The following SNX13 variants were observed in gnomAD, a reference collection of about 807,000 sequenced individuals.
The protein encoded by SNX13 is sorting nexin 13.
A neutral mutation model predicts 133.6 loss-of-function variants in SNX13; 45 were observed. That is an observed-to-expected ratio of 0.34 (90% CI 0.27 to 0.43). SNX13 has a LOEUF of 0.43. Ranked by LOEUF, SNX13 falls within the 20% of genes least tolerant of loss-of-function variation. SNX13 has a pLI of 1.00. For synonymous variants in SNX13, 414 were observed against 373.9 expected (o/e 1.11, Z -1.24); for missense variants, 1,032 against 1,145.1 (o/e 0.90, Z 1.43).
intron 2 of SNX13, among the ~76,000 whole-genome samples, chr7:17,894,334 A>T (rs774165146): frequency 1.3e-5 from 2 of 152,080 alleles, no homozygotes; most frequent in Non-Finnish European, 2.9e-5. Flanking sequence ...CTTATTAAAC[A>T]AGTAGGCTAG....
At position 17,813,597 on chromosome 7, in the gene SNX13, T is replaced by C. The variant is rs543746828; in HGVS notation, c.2064+1237A>G. Among the ~76,000 whole-genome samples the C allele has an allele frequency of 3.9e-5, 6 of 151,986 alleles. No individual in the cohort carries two copies. In the East Asian group the frequency reaches 1.2e-3, roughly 29 times the overall value. On this transcript the variant is annotated intron_variant, in intron 20 of 25. Coordinates refer to ENST00000428135, the MANE Select transcript of SNX13 (RefSeq NM_015132.5). ...TAATCATATGAACTCCTTTTTTTTT[T>C]TTTTTTTGAGACAGGGTCTTGCTCT...
intron 20 of SNX13, among the ~76,000 whole-genome samples, chr7:17,808,471 A>C (rs1485571124): frequency 2.6e-5 from 4 of 152,206 alleles, no homozygotes; most frequent in African/African-American, 9.6e-5. Flanking sequence ...GACCAAACCT[A>C]AGTTTGATTG....
chr7:17,887,308 C>T (rs1016141168), intron 5 of SNX13, among the ~76,000 whole-genome samples: 1 of 152,044 alleles, frequency 6.6e-6, no homozygotes, highest in African/African-American at 2.4e-5. Context: ...CTGACACAGG[C>T]CAAGGCTGTC....
intron 9 of SNX13, among the ~76,000 whole-genome samples, chr7:17,859,857 T>C (rs1257002041): frequency 2.0e-5 from 3 of 152,186 alleles, no homozygotes; most frequent in African/African-American, 7.2e-5. Context: ...GGCTGAATAA[T>C]ATTTTACTGT....
At chr7:17,845,439 T>C (rs1472617368) in intron 12 of SNX13, among the ~76,000 whole-genome samples, 156 bp downstream of exon 12, 1 of 152,266 alleles carries the variant, frequency 6.6e-6, no homozygotes, top group South Asian at 2.1e-4. Context: ...ATAAAAACAG[T>C]TCTGGAGACT....
intron 9 of SNX13, among the ~76,000 whole-genome samples, chr7:17,853,883 G>A (rs1791547230): frequency 6.6e-6 from 1 of 152,102 alleles, no homozygotes; most frequent in African/African-American, 2.4e-5. Flanking sequence ...GGAGGTTACA[G>A]TGAGCCAAAA....
intron 9 of SNX13, among the ~76,000 whole-genome samples, chr7:17,856,427 T>C (rs1246821766): frequency 5.9e-5 from 9 of 151,930 alleles, no homozygotes; most frequent in Admixed American, 4.6e-4. Context: ...AACTAGAAAA[T>C]AGTTACCTCC....
At chr7:17,808,276 G>GA (rs1326827701) in intron 20 of SNX13, among the ~76,000 whole-genome samples, 1 of 152,156 alleles carries the variant, frequency 6.6e-6, no homozygotes, top group African/African-American at 2.4e-5. Context: ...TGATGGAGCT[G>GA]AAAAACACAG....
chr7:17,926,790 G>A (rs1800800215), intron 1 of SNX13, among the ~76,000 whole-genome samples: 1 of 152,168 alleles, frequency 6.6e-6, no homozygotes, highest in African/African-American at 2.4e-5. Flanking sequence ...GGGGGCTGAG[G>A]CAGGAGGATC....
intron 1 of SNX13, among the ~76,000 whole-genome samples, chr7:17,929,505 CTCAAG>C (rs951356406): frequency 3.3e-5 from 5 of 152,062 alleles, no homozygotes; most frequent in African/African-American, 9.7e-5. Flanking sequence ...ATTAACACCA[CTCAAG>C]TCAACTACAT....
chr7:17,802,863 G>A (rs1326447370), intron 21 of SNX13, among the ~76,000 whole-genome samples: 1 of 151,612 alleles, frequency 6.6e-6, no homozygotes, highest in Admixed American at 6.6e-5. Context: ...ACACAGTCTA[G>A]TACCTTTATG....
chr7:17,878,806 CT>C (rs1795018007), intron 5 of SNX13, among the ~76,000 whole-genome samples: 1 of 152,138 alleles, frequency 6.6e-6, no homozygotes, highest in Non-Finnish European at 1.5e-5. Flanking sequence ...CTCTCCCTTC[CT>C]CTTTGTTATG....
chr7:17,916,459 C>T (rs1251599094), intron 1 of SNX13, among the ~76,000 whole-genome samples: 1 of 151,996 alleles, frequency 6.6e-6, no homozygotes, highest in East Asian at 1.9e-4. Context: ...CCACAATCAG[C>T]CATGAGAAAG....
intron 1 of SNX13, among the ~76,000 whole-genome samples, chr7:17,906,358 ATTAG>A (rs1162616749): frequency 6.6e-6 from 1 of 152,198 alleles, no homozygotes; most frequent in African/African-American, 2.4e-5. Flanking sequence ...CATCCCTAAC[ATTAG>A]TATAAGGAAA....
chr7:17,796,131 C>T (rs1169439219), intron 25 of SNX13: 1 of 151,628 alleles, frequency 6.6e-6, no homozygotes, highest in African/African-American at 2.4e-5. Flanking sequence ...CAACCATCAC[C>T]ACCTCCCAGC....
At chr7:17,834,313 A>G in intron 14 of SNX13, 129 bp from the exon 15 acceptor site, 1 of 785,682 alleles carries the variant, frequency 1.3e-6, no homozygotes, top group Non-Finnish European at 1.8e-6. Context: ...TGTCAGCAAT[A>G]AGACTATTTC....
intron 1 of SNX13, among the ~76,000 whole-genome samples, chr7:17,911,239 C>G (rs1382648586): frequency 6.6e-6 from 1 of 152,052 alleles, no homozygotes; most frequent in Admixed American, 6.5e-5. Flanking sequence ...ATCTGTAGCA[C>G]TGAATTTATA....
chr7:17,937,322 G>A (rs1449725532), intron 1 of SNX13, among the ~76,000 whole-genome samples: 1 of 151,916 alleles, frequency 6.6e-6, no homozygotes, highest in Non-Finnish European at 1.5e-5. Flanking sequence ...GATCACTTGT[G>A]TGGCTTCTCA....
At chr7:17,798,836 A>G in intron 23 of SNX13, 78 bp from the exon 24 acceptor site, 6 of 1,252,358 alleles carry the variant, frequency 4.8e-6, no homozygotes, top group Non-Finnish European at 6.7e-6. Flanking sequence ...TCATAGAGCA[A>G]GCAACTTAAT....
Sources: gnomAD v4.1 joint callset for allele counts (sites outside exome capture counted in the v4.1 genomes callset) on GRCh38, gnomAD v4.1.1 for gene constraint, MANE v1.5 for transcripts, NCBI Gene and HGNC (gene_info 2026-07-23, HGNC 2026-07-21) for gene names.